The following SIPA1L1 variants were observed in gnomAD, a reference collection of about 807,000 sequenced individuals.
SIPA1L1 encodes signal-induced proliferation-associated 1-like protein 1.
A neutral mutation model predicts 162.7 loss-of-function variants in SIPA1L1; 26 were observed. The ratio of observed to expected loss-of-function variants is 0.16; its 90% CI spans 0.12 to 0.22. The LOEUF (loss-of-function observed/expected upper bound fraction) is 0.22, where lower values mean the gene tolerates loss of function less well. Ranked by LOEUF, SIPA1L1 falls within the 10% of genes least tolerant of loss-of-function variation. The pLI is 1.00. For missense variants in SIPA1L1, 1,874 were observed against 2,241.0 expected (o/e 0.84, Z 3.31); for synonymous variants, 829 against 837.4 (o/e 0.99, Z 0.17).
At chr14:71,547,262 C>G (rs1329088157) in intron 4 of SIPA1L1, among the ~76,000 whole-genome samples, 1 of 145,604 alleles carries the variant, frequency 6.9e-6, no homozygotes, top group Non-Finnish European at 1.5e-5. Context: ...TGGATAGATT[C>G]ATAAGATTCG....
intron 3 of SIPA1L1, among the ~76,000 whole-genome samples, chr14:71,522,039 G>A (rs544213677): frequency 4.7e-4 from 72 of 152,190 alleles, no homozygotes; most frequent in Admixed American, 8.5e-4. Context: ...GTCTGTTGAT[G>A]GTAAAATCTT....
intron 2 of SIPA1L1, among the ~76,000 whole-genome samples, chr14:71,341,616 C>A (rs968202355): frequency 6.6e-6 from 1 of 152,080 alleles, no homozygotes; most frequent in Non-Finnish European, 1.5e-5. Context: ...TACTGAGCAT[C>A]GTACCCAACA....
intron 17 of SIPA1L1, among the ~76,000 whole-genome samples, chr14:71,713,440 C>T (rs934669556): frequency 5.9e-5 from 9 of 152,184 alleles, no homozygotes; most frequent in African/African-American, 2.2e-4. Flanking sequence ...GTAAACTCTA[C>T]GAAGTATGAC....
intron 4 of SIPA1L1, among the ~76,000 whole-genome samples, chr14:71,534,579 A>T (rs7157241): frequency 0.17 from 25,355 of 151,986 alleles, 2,693 homozygotes; most frequent in Middle Eastern, 0.35. Context: ...CCTCATTTTT[A>T]AAAAAAATTT....
At chr14:71,326,178 T>A (rs1340416363) in intron 2 of SIPA1L1, among the ~76,000 whole-genome samples, 3 of 152,138 alleles carry the variant, frequency 2.0e-5, no homozygotes, top group Non-Finnish European at 4.4e-5. Context: ...ACAGGTATAG[T>A]CATTGATGGT....
chr14:71,490,410 C>A (rs1189170882), intron 2 of SIPA1L1, among the ~76,000 whole-genome samples: 1 of 151,994 alleles, frequency 6.6e-6, no homozygotes, highest in East Asian at 1.9e-4. Context: ...AACATTATGT[C>A]TTTTTGGTAC....
intron 2 of SIPA1L1, among the ~76,000 whole-genome samples, chr14:71,440,645 T>TA (rs2044765061): frequency 6.8e-5 from 1 of 14,668 alleles, no homozygotes. Flanking sequence ...AGAACCCATC[T>TA]CAAAAAAAAA....
chr14:71,395,602 A>G (rs970486681), intron 2 of SIPA1L1, among the ~76,000 whole-genome samples: 1 of 152,164 alleles, frequency 6.6e-6, no homozygotes, highest in Non-Finnish European at 1.5e-5. Flanking sequence ...TTGAGGCTGC[A>G]GTGAGCTATG....
At chr14:71,606,584 C>T (rs2037538117) in intron 5 of SIPA1L1, among the ~76,000 whole-genome samples, 1 of 152,086 alleles carries the variant, frequency 6.6e-6, no homozygotes, top group Non-Finnish European at 1.5e-5. Context: ...GGTTTCCAGG[C>T]ATCTCCTTAT....
intron 2 of SIPA1L1, among the ~76,000 whole-genome samples, chr14:71,501,586 T>TA (rs1297464955): frequency 2.0e-5 from 3 of 152,196 alleles, no homozygotes; most frequent in African/African-American, 4.8e-5. Flanking sequence ...ACTGAGGACT[T>TA]ATGAGGGTGG....
chr14:71,330,726 C>CTTA (rs2034428335), intron 2 of SIPA1L1: 1 of 861,776 alleles, frequency 1.2e-6, no homozygotes. Flanking sequence ...GGAAAACCAC[C>CTTA]GGGTAGTCAT....
intron 2 of SIPA1L1, among the ~76,000 whole-genome samples, chr14:71,487,930 A>AT (rs2048903385): frequency 6.6e-6 from 1 of 152,194 alleles, no homozygotes; most frequent in African/African-American, 2.4e-5. Flanking sequence ...TACCTTTAGG[A>AT]TTTTCCAGGG....
At chr14:71,393,603 T>C (rs1291709074) in intron 2 of SIPA1L1, among the ~76,000 whole-genome samples, 1 of 151,998 alleles carries the variant, frequency 6.6e-6, no homozygotes, top group East Asian at 1.9e-4. Flanking sequence ...AGGCAAGACG[T>C]TCAAGACCAG....
At chr14:71,496,904 G>A (rs1365117939) in intron 2 of SIPA1L1, among the ~76,000 whole-genome samples, 4 of 152,144 alleles carry the variant, frequency 2.6e-5, no homozygotes, top group African/African-American at 7.2e-5. Context: ...GGGCGCGGTG[G>A]CTCACGCCTG....
At chr14:71,438,969 G>T (rs1374859278) in intron 2 of SIPA1L1, among the ~76,000 whole-genome samples, 1 of 148,540 alleles carries the variant, frequency 6.7e-6, no homozygotes, top group South Asian at 2.2e-4. Flanking sequence ...AGGAGAGCAG[G>T]TTTTTTTTTT....
intron 4 of SIPA1L1, among the ~76,000 whole-genome samples, chr14:71,557,840 T>C (rs1353571344): frequency 6.6e-6 from 1 of 152,210 alleles, no homozygotes; most frequent in Non-Finnish European, 1.5e-5. Flanking sequence ...ACTGCTATAT[T>C]TCTAATTTGT....
chr14:71,458,119 A>C (rs1051694093), intron 2 of SIPA1L1, among the ~76,000 whole-genome samples: 1 of 151,852 alleles, frequency 6.6e-6, no homozygotes, highest in Non-Finnish European at 1.5e-5. Flanking sequence ...AGTGTTACCT[A>C]CCCCTTAGTC....
At chr14:71,522,847 C>A (rs1192447141) in intron 3 of SIPA1L1, among the ~76,000 whole-genome samples, 1 of 152,158 alleles carries the variant, frequency 6.6e-6, no homozygotes, top group Non-Finnish European at 1.5e-5. Context: ...GCTCCACCAC[C>A]ACACCCAGCT....
intron 2 of SIPA1L1, among the ~76,000 whole-genome samples, chr14:71,326,857 G>C (rs1249793044): frequency 6.7e-6 from 1 of 150,124 alleles, no homozygotes; most frequent in African/African-American, 2.5e-5. Flanking sequence ...GATTACAGGC[G>C]TGTGCCACCA....
Sources: gnomAD v4.1 joint callset for allele counts (sites outside exome capture counted in the v4.1 genomes callset) on GRCh38, gnomAD v4.1.1 for gene constraint, MANE v1.5 for transcripts, NCBI Gene and HGNC (gene_info 2026-07-23, HGNC 2026-07-21) for gene names.